Variants in RAG1 observed in about 807,000 individuals in gnomAD.
RAG1 encodes the protein recombination activating 1.
In RAG1, 35 loss-of-function variants were observed where a neutral mutation model predicts 62.7. The ratio of observed to expected loss-of-function variants is 0.56; its 90% CI spans 0.43 to 0.74. RAG1 has a LOEUF of 0.74. Among genes scored for constraint, RAG1 ranks in the 30% least tolerant of loss-of-function variants. The probability of loss-of-function intolerance (pLI) is 0.00; values close to 1 mark genes in which losing one functional copy is unlikely to be tolerated. For synonymous variants in RAG1, 461 were observed against 470.3 expected, an observed-to-expected ratio of 0.98 and a Z score of 0.26; for missense variants, 1,169 against 1,278.6, an observed-to-expected ratio of 0.91 and a Z score of 1.31.
At chr11:36,545,316 G>A (rs1464376418) in intron 3 of RAG1, among the ~76,000 whole-genome samples, 2 of 152,290 alleles carry the variant, frequency 1.3e-5, no homozygotes, top group African/African-American at 4.8e-5. Flanking sequence ...TAGGATATAT[G>A]AAGAGGGAGT....
chr11:36,547,995 C>T (rs1002640975), intron 3 of RAG1, among the ~76,000 whole-genome samples: 2 of 152,028 alleles, frequency 1.3e-5, no homozygotes, highest in Admixed American at 6.5e-5. Context: ...AAACGTAATC[C>T]CTCACATAAA....
chr11:36,574,609 G>T lies in RAG1; in HGVS notation c.1305G>T (p.Met435Ile). 6.2e-7 allele frequency: 1 copy of T among 1,614,228 alleles called. No homozygotes were observed. Among genetic ancestry groups the T allele is most frequent in the South Asian group, 1.1e-5 (1 of 91,076 alleles). The change falls in exon 2 of 2, where the codon ATG becomes ATT. Residue 435 changes from methionine to isoleucine, a missense_variant. Met to Ile is a conservative substitution (Grantham distance 10). This residue lies in a region of RAG1 where 800 missense variants were observed against 943.3 expected (regional missense o/e 0.85). Coordinates refer to ENST00000299440, the MANE Select transcript of RAG1 (RefSeq NM_000448.3). ...GTGGAGATGTGAAGTCCGTGTGCAT[G>T]ACCTTGTTCCTGCTGGCTCTGAGGG... is the stretch of plus-strand genomic sequence containing the variant. The part of the protein sequence containing the change: ...EEGGDVKSVC[M>I]TLFLLALRAR...
chr11:36,544,190 G>C (rs943009899), intron 3 of RAG1, among the ~76,000 whole-genome samples: 6 of 152,164 alleles, frequency 3.9e-5, no homozygotes, highest in Non-Finnish European at 8.8e-5. Flanking sequence ...TGGCAGATGT[G>C]ATCAAGTTAA....
chr11:36,550,537 G>A (rs1310216698), intron 3 of RAG1, among the ~76,000 whole-genome samples: 5 of 152,082 alleles, frequency 3.3e-5, no homozygotes, highest in Non-Finnish European at 7.4e-5. Context: ...ATATTGGTTA[G>A]GACTTATGGT....
At chr11:36,549,766 A>G (rs1471647810) in intron 3 of RAG1, among the ~76,000 whole-genome samples, 1 of 152,182 alleles carries the variant, frequency 6.6e-6, no homozygotes, top group Non-Finnish European at 1.5e-5. Context: ...ATTACTGAGT[A>G]TATGCCCAAA....
At chr11:36,535,844 T>C (rs1860318502) in intron 2 of RAG1, 1 of 152,172 alleles carries the variant, frequency 6.6e-6, no homozygotes, top group South Asian at 2.1e-4. Context: ...TCTGTCCATT[T>C]ATAGTCTTTT....
intron 2 of RAG1, among the ~76,000 whole-genome samples, chr11:36,525,072 C>T (rs575498546): frequency 1.3e-5 from 2 of 151,566 alleles, no homozygotes; most frequent in South Asian, 4.2e-4. Flanking sequence ...TTTCCTTTCT[C>T]CCTACATCCC....
intron 2 of RAG1, among the ~76,000 whole-genome samples, chr11:36,526,550 A>G (rs1356272007): frequency 6.6e-6 from 1 of 152,142 alleles, no homozygotes; most frequent in Non-Finnish European, 1.5e-5. Context: ...ATACGTGTGC[A>G]TGTGTCTTCA....
intron 3 of RAG1, among the ~76,000 whole-genome samples, chr11:36,547,848 CT>C (rs1850420679): frequency 6.6e-6 from 1 of 152,104 alleles, no homozygotes; most frequent in African/African-American, 2.4e-5. Context: ...GCCAATACCC[CT>C]GATGAACATC....
intron 2 of RAG1, among the ~76,000 whole-genome samples, chr11:36,527,819 A>G (rs996516906): frequency 6.6e-6 from 1 of 151,868 alleles, no homozygotes; most frequent in African/African-American, 2.4e-5. Flanking sequence ...TAGCTATTTT[A>G]TTCTCTTTGT....
Position 36,574,927 on chromosome 11 carries a change from G to C in RAG1, c.1623G>C (p.Leu541=). The part of the protein sequence containing the change: ...SSTDVGIIDG[L]SGLSSSVDDY... The stretch of plus-strand genomic sequence containing the variant: ...CTGATGTTGGCATTATTGATGGGCT[G>C]TCTGGACTATCATCCTCTGTGGATG... The change falls in exon 2 of 2, where the codon CTG becomes CTC. Residue 541 remains leucine (L), a synonymous_variant. Transcript: ENST00000299440. The C allele has an allele frequency of 2.5e-6, 4 of 1,614,202 alleles. No individual in the cohort carries two copies. The highest frequency in any genetic ancestry group is 3.4e-6 in the Non-Finnish European group (4 of 1,180,028).
intron 2 of RAG1, among the ~76,000 whole-genome samples, chr11:36,524,316 T>C (rs1227361698): frequency 2.0e-5 from 3 of 147,764 alleles, no homozygotes; most frequent in African/African-American, 5.0e-5. Flanking sequence ...GTTGTGCACA[T>C]GTACCCTAGA....
At chr11:36,545,981 T>A (rs1469547321) in intron 3 of RAG1, among the ~76,000 whole-genome samples, 1 of 152,234 alleles carries the variant, frequency 6.6e-6, no homozygotes, top group Non-Finnish European at 1.5e-5. Flanking sequence ...TCCATTCTTT[T>A]GCATTTGCTG....
intron 3 of RAG1, among the ~76,000 whole-genome samples, chr11:36,543,762 A>G (rs770929831): frequency 6.6e-6 from 1 of 152,174 alleles, no homozygotes. Context: ...AGGCAAATCA[A>G]CCTTTTTGGG....
At chr11:36,524,349 AAAAG>A (rs1228189369) in intron 2 of RAG1, among the ~76,000 whole-genome samples, 5 of 151,452 alleles carry the variant, frequency 3.3e-5, no homozygotes, top group South Asian at 2.1e-4. Context: ...ATAAAAAAAA[AAAAG>A]AAAAGAAAAG....
chr11:36,572,121 G>A (rs1379959816), intron 1 of RAG1, among the ~76,000 whole-genome samples: 1 of 152,140 alleles, frequency 6.6e-6, no homozygotes, highest in African/African-American at 2.4e-5. Flanking sequence ...CATCGATTTT[G>A]TTAGTTGATC....
At chr11:36,523,553 T>C (rs1379363286) in intron 2 of RAG1, among the ~76,000 whole-genome samples, 3 of 152,178 alleles carry the variant, frequency 2.0e-5, no homozygotes, top group East Asian at 3.8e-4. Context: ...GTTTTCTATA[T>C]AACTATAATA....
At chr11:36,524,350 AAAG>A (rs1311229443) in intron 2 of RAG1, among the ~76,000 whole-genome samples, 2 of 151,392 alleles carry the variant, frequency 1.3e-5, no homozygotes, top group Non-Finnish European at 2.9e-5. Flanking sequence ...TAAAAAAAAA[AAAG>A]AAAAGAAAAG....
At chr11:36,543,987 T>C (rs1187730098) in intron 3 of RAG1, among the ~76,000 whole-genome samples, 5 of 152,208 alleles carry the variant, frequency 3.3e-5, no homozygotes, top group Non-Finnish European at 7.3e-5. Context: ...ATTGAGAAGA[T>C]AGTACAGAGA....
Sources: allele counts gnomAD v4.1 joint callset (sites outside exome capture counted in the v4.1 genomes callset), GRCh38; gene constraint gnomAD v4.1.1; regional missense constraint gnomAD v4.1.1; transcripts MANE v1.5; gene names NCBI Gene and HGNC (gene_info 2026-07-23, HGNC 2026-07-21).